Variants in SIPA1L1 observed in about 807,000 individuals in gnomAD.
SIPA1L1 encodes the protein signal induced proliferation associated 1 like 1.
A neutral mutation model predicts 162.7 loss-of-function variants in SIPA1L1; 26 were observed. The observed-to-expected ratio is 0.16, with a 90% CI of 0.12 to 0.22. The LOEUF (loss-of-function observed/expected upper bound fraction) is 0.22. SIPA1L1 is among the 10% of genes least tolerant of loss of function. SIPA1L1 has a pLI of 1.00. For synonymous variants in SIPA1L1, 829 were observed against 837.4 expected (o/e 0.99, Z 0.17); for missense variants, 1,874 against 2,241.0 (o/e 0.84, Z 3.31).
intron 2 of SIPA1L1, among the ~76,000 whole-genome samples, chr14:71,430,462 C>T (rs1485931556): frequency 6.6e-6 from 1 of 152,174 alleles, no homozygotes; most frequent in African/African-American, 2.4e-5. Flanking sequence ...CTGGAGATCT[C>T]ATCAGTATTC....
intron 4 of SIPA1L1, among the ~76,000 whole-genome samples, chr14:71,561,993 G>A (rs1403967808): frequency 1.3e-5 from 2 of 152,018 alleles, no homozygotes; most frequent in African/African-American, 4.8e-5. Flanking sequence ...TTTTCACGTT[G>A]TAAAATGATA....
At position 71,376,731 on chromosome 14, in the gene SIPA1L1, T is replaced by A. The variant is rs189045628; in HGVS notation, c.-465+55550T>A. ...CCTGCGGCCTTCCTTAGTGTTTGTG[T>A]CCCTGGGTACTTGAGATTAGGGAGT... On this transcript the variant is annotated intron_variant, in intron 2 of 23. Coordinates refer to ENST00000381232, the MANE Select transcript of SIPA1L1 (RefSeq NM_001386936.1). Among the ~76,000 whole-genome samples, 277 of 152,182 alleles carry A rather than the reference T, an allele frequency of 1.8e-3. 2 individuals carry two copies. The highest frequency in any genetic ancestry group is 6.3e-3 in the African/African-American group (262 of 41,480).
chr14:71,358,822 G>A (rs915011502), intron 2 of SIPA1L1, among the ~76,000 whole-genome samples: 8 of 152,144 alleles, frequency 5.3e-5, no homozygotes, highest in African/African-American at 1.4e-4. Flanking sequence ...TGGAGCAGGA[G>A]GAAGAGAGAG....
intron 2 of SIPA1L1, among the ~76,000 whole-genome samples, chr14:71,484,219 A>T (rs1293954193): frequency 6.6e-6 from 1 of 150,904 alleles, no homozygotes; most frequent in Non-Finnish European, 1.5e-5. Flanking sequence ...GTTGCTTAGA[A>T]GTCACTCTGC....
chr14:71,402,369 G>A (rs150004352), intron 2 of SIPA1L1, among the ~76,000 whole-genome samples: 2,662 of 142,260 alleles, frequency 0.019, 31 homozygotes, highest in African/African-American at 0.027. Flanking sequence ...TTTTTTTTGA[G>A]ACAAGGTTTC....
At chr14:71,565,045 A>T (rs560755514) in intron 4 of SIPA1L1, among the ~76,000 whole-genome samples, 2 of 152,200 alleles carry the variant, frequency 1.3e-5, no homozygotes, top group Non-Finnish European at 1.5e-5. Context: ...GAGAATGTGG[A>T]ATAGAAAAGT....
chr14:71,661,507 G>C, intron 10 of SIPA1L1, 40 bp downstream of exon 10: 1 of 1,591,390 alleles, frequency 6.3e-7, no homozygotes, highest in Non-Finnish European at 8.6e-7. Context: ...GTGGATGTTG[G>C]CTGGTTATCG....
At chr14:71,696,681 G>A (rs964272371) in intron 13 of SIPA1L1, among the ~76,000 whole-genome samples, 1 of 152,116 alleles carries the variant, frequency 6.6e-6, no homozygotes, top group African/African-American at 2.4e-5. Flanking sequence ...CAAAACACAT[G>A]TTAAGCACTC....
chr14:71,434,187 T>C (rs2044207955), intron 2 of SIPA1L1, among the ~76,000 whole-genome samples: 1 of 152,238 alleles, frequency 6.6e-6, no homozygotes, highest in Non-Finnish European at 1.5e-5. Context: ...TCAGATTCTT[T>C]GAGTACAGAG....
intron 10 of SIPA1L1, 140 bp from the exon 11 acceptor site, chr14:71,670,979 A>G: frequency 1.4e-6 from 1 of 705,666 alleles, no homozygotes; most frequent in Non-Finnish European, 2.4e-6. Context: ...ATTAAGCAGA[A>G]ATGTGTGTTG....
At chr14:71,546,272 C>T (rs1779890818) in intron 4 of SIPA1L1, among the ~76,000 whole-genome samples, 1 of 151,906 alleles carries the variant, frequency 6.6e-6, no homozygotes, top group Non-Finnish European at 1.5e-5. Flanking sequence ...GCCTCTTTTT[C>T]CAAGCAGTTA....
chr14:71,730,205 C>G lies in SIPA1L1; in HGVS notation c.4765C>G (p.Pro1589Ala). The change falls in exon 20 of 24, where the codon CCC becomes GCC. Residue 1589 changes from proline to alanine, a missense_variant. Transcript: ENST00000381232. ...SRASLLDQAL[P>A]NDVLFSSTYP... ...GGCGTCACTTCTGGACCAAGCCCTG[C>G]CCAACGACGTCCTCTTCAGTAGCAC... The G allele has an allele frequency of 6.2e-7, 1 of 1,614,204 alleles. No homozygotes were observed. The highest frequency in any genetic ancestry group is 8.5e-7 in the Non-Finnish European group (1 of 1,180,032).
intron 15 of SIPA1L1, chr14:71,704,592 T>A: frequency 4.5e-6 from 3 of 668,182 alleles, no homozygotes; most frequent in Non-Finnish European, 8.1e-6. Flanking sequence ...TTAGCTATAG[T>A]GGTGTTATGG....
chr14:71,660,729 A>G (rs1015584652), intron 9 of SIPA1L1, among the ~76,000 whole-genome samples: 1 of 152,198 alleles, frequency 6.6e-6, no homozygotes, highest in Admixed American at 6.5e-5. Context: ...AACCCAGTGA[A>G]TGTGAAACAG....
At chr14:71,388,658 T>A (rs887105417) in intron 2 of SIPA1L1, among the ~76,000 whole-genome samples, 1 of 152,242 alleles carries the variant, frequency 6.6e-6, no homozygotes, top group Admixed American at 6.5e-5. Flanking sequence ...AGATATTTCC[T>A]GCAGAAAATG....
chr14:71,651,315 G>A (rs571731896), intron 8 of SIPA1L1, among the ~76,000 whole-genome samples: 10 of 152,264 alleles, frequency 6.6e-5, no homozygotes, highest in African/African-American at 2.4e-4. Flanking sequence ...TAGCACATCT[G>A]TATTGCAGTC....
chr14:71,391,009 T>C (rs1353295240), intron 2 of SIPA1L1, among the ~76,000 whole-genome samples: 3 of 151,004 alleles, frequency 2.0e-5, no homozygotes, highest in Admixed American at 6.6e-5. Context: ...TCCTTTGGAA[T>C]AGACACTATA....
chr14:71,624,092 G>A lies in SIPA1L1; in HGVS notation c.1674G>A (p.Ser558=), dbSNP rs113082664. Residue 558 remains serine, a synonymous_variant, in exon 7 of 24, where the codon TCG becomes TCA. Transcript: ENST00000381232. ...RGSVLEDAIP[S]TAKHSTARGL... ...CGGTCCTGGAGGACGCCATTCCGTCGACAGCCAAGCACTCGACAGCCAGAG... is the reference window on the plus strand; with the variant it reads ...CGGTCCTGGAGGACGCCATTCCGTCAACAGCCAAGCACTCGACAGCCAGAG... 3,922 of 1,613,712 alleles carry A rather than the reference G, an allele frequency of 2.4e-3. 24 individuals are homozygous for A. The highest frequency in any genetic ancestry group is 0.017 in the African/African-American group (1,266 of 75,014).
intron 2 of SIPA1L1, among the ~76,000 whole-genome samples, chr14:71,417,469 C>CA (rs58628136): frequency 0.095 from 1,683 of 17,726 alleles, 558 homozygotes; most frequent in Non-Finnish European, 0.11. Context: ...GACTCCGTCT[C>CA]AAAAAAAAAA....
Sources: allele counts gnomAD v4.1 joint callset (sites outside exome capture counted in the v4.1 genomes callset), GRCh38; gene constraint gnomAD v4.1.1; transcripts MANE v1.5; gene names NCBI Gene and HGNC (gene_info 2026-07-23, HGNC 2026-07-21).